The following CERT1 variants were observed in gnomAD, a reference collection of about 807,000 sequenced individuals.
CERT1 encodes ceramide transporter 1.
A neutral mutation model predicts 87.9 loss-of-function variants in CERT1; 31 were observed. The observed-to-expected ratio is 0.35, with a 90% CI of 0.27 to 0.48. CERT1 has a LOEUF of 0.48. Ranked by LOEUF, CERT1 falls within the 20% of genes least tolerant of loss-of-function variation. The pLI, the probability that CERT1 is intolerant of heterozygous loss-of-function variation, is 0.99. For missense variants in CERT1, 487 were observed against 758.0 expected (o/e 0.64, Z 4.20); for synonymous variants, 289 against 250.9 (o/e 1.15, Z -1.44).
intron 8 of CERT1, among the ~76,000 whole-genome samples, chr5:75,403,505 T>C (rs1762582671): frequency 6.6e-6 from 1 of 152,262 alleles, no homozygotes; most frequent in South Asian, 2.1e-4. Flanking sequence ...CTCATTCAGC[T>C]ATATATTATC....
At chr5:75,477,647 T>TAAAAAAAAAAAAAAAAATAA in intron 2 of CERT1, among the ~76,000 whole-genome samples, 1 of 89,528 alleles carries the variant, frequency 1.1e-5, no homozygotes, top group Admixed American at 1.3e-4. Context: ...TAATAAGTTG[T>TAAAAAAAAAAAAAAAAATAA]AAAAAAAAAA....
chr5:75,481,868 G>A (rs952889040), intron 2 of CERT1, among the ~76,000 whole-genome samples: 5 of 151,982 alleles, frequency 3.3e-5, no homozygotes, highest in African/African-American at 1.2e-4. Flanking sequence ...AAAAGAAAAT[G>A]CTAATTTTGT....
chr5:75,388,927 T>C (rs1426045495), intron 12 of CERT1, among the ~76,000 whole-genome samples: 1 of 152,000 alleles, frequency 6.6e-6, no homozygotes. Context: ...GCCTGGCCAA[T>C]AGTATCTTTT....
chr5:75,415,940 A>AG (rs1763116044), intron 7 of CERT1, among the ~76,000 whole-genome samples: 1 of 152,158 alleles, frequency 6.6e-6, no homozygotes, highest in East Asian at 1.9e-4. Context: ...CCTAATCAAA[A>AG]TGGCTTACTC....
chr5:75,400,927 CTT>C (rs1420163673), intron 9 of CERT1: 2 of 152,154 alleles, frequency 1.3e-5, no homozygotes, highest in East Asian at 3.9e-4. Flanking sequence ...TCCCATGTAT[CTT>C]TCTTTCCCTA....
intron 8 of CERT1, among the ~76,000 whole-genome samples, chr5:75,405,254 C>A (rs954585591): frequency 7.9e-5 from 12 of 152,090 alleles, no homozygotes; most frequent in Non-Finnish European, 1.8e-4. Flanking sequence ...AGTTCTCTAC[C>A]CTTAGATTCC....
intron 8 of CERT1, among the ~76,000 whole-genome samples, chr5:75,407,266 C>A: frequency 6.6e-6 from 1 of 151,362 alleles, no homozygotes; most frequent in Non-Finnish European, 1.5e-5. Context: ...TTTAAAAACT[C>A]CAGATGTATT....
At chr5:75,445,602 G>A (rs1432887736) in intron 3 of CERT1, among the ~76,000 whole-genome samples, 2 of 152,136 alleles carry the variant, frequency 1.3e-5, no homozygotes, top group African/African-American at 2.4e-5. Flanking sequence ...TAGGACTACA[G>A]GCACACACCA....
chr5:75,511,377 G>T lies in CERT1; in HGVS notation c.-170C>A. The T allele has an allele frequency of 3.2e-6, 5 of 1,546,462 alleles. No individual in the cohort carries two copies. The highest frequency in any genetic ancestry group is 2.4e-5 in the East Asian group (1 of 40,848). ...AGTCCGCCCGCCGCGCCGCCGCCGCGCCTGACACCGAGCGGAGCGAGGAAG... is the reference window on the plus strand; with the variant it reads ...AGTCCGCCCGCCGCGCCGCCGCCGCTCCTGACACCGAGCGGAGCGAGGAAG... On this transcript the variant is annotated 5_prime_UTR_variant, in exon 1 of 17. Transcript: ENST00000643780.
intron 3 of CERT1, among the ~76,000 whole-genome samples, chr5:75,430,974 G>A (rs886648799): frequency 2.0e-5 from 3 of 152,262 alleles, no homozygotes; most frequent in Admixed American, 1.3e-4. Context: ...CCAGAAGTTC[G>A]AGATAGCACT....
intron 16 of CERT1, 33 bp from the exon 17 acceptor site, chr5:75,379,506 G>A: frequency 2.5e-6 from 4 of 1,589,022 alleles, no homozygotes; most frequent in Non-Finnish European, 3.4e-6. Context: ...AATGTATTAA[G>A]ATACAATTCT....
chr5:75,390,487 A>C (rs1234708732), intron 11 of CERT1, among the ~76,000 whole-genome samples: 7 of 152,048 alleles, frequency 4.6e-5, no homozygotes, highest in African/African-American at 1.4e-4. Context: ...TTTTCCTGAT[A>C]TTTAAATGTA....
intron 3 of CERT1, among the ~76,000 whole-genome samples, chr5:75,430,920 A>T (rs1244570925): frequency 2.6e-5 from 4 of 152,136 alleles, no homozygotes; most frequent in Non-Finnish European, 5.9e-5. Flanking sequence ...GTGCTCCTGT[A>T]GTCTCAGTTA....
chr5:75,494,954 A>T (rs1766987503), intron 2 of CERT1, among the ~76,000 whole-genome samples: 1 of 152,208 alleles, frequency 6.6e-6, no homozygotes, highest in Non-Finnish European at 1.5e-5. Flanking sequence ...ACAACAGGAG[A>T]CAACCTTACT....
chr5:75,440,053 C>T (rs1344851087), intron 3 of CERT1, among the ~76,000 whole-genome samples: 3 of 152,056 alleles, frequency 2.0e-5, no homozygotes, highest in Non-Finnish European at 1.5e-5. Context: ...ATCTGTAAAA[C>T]GATATGGTTA....
intron 6 of CERT1, 29 bp downstream of exon 6, chr5:75,419,312 C>A (rs771492805): frequency 1.8e-5 from 26 of 1,410,428 alleles, no homozygotes; most frequent in Non-Finnish European, 2.4e-5. Flanking sequence ...TATATTTTAT[C>A]CAGCTGAGGG....
intron 8 of CERT1, among the ~76,000 whole-genome samples, chr5:75,405,885 G>C (rs1486934750): frequency 2.3e-5 from 3 of 132,564 alleles, no homozygotes; most frequent in Admixed American, 2.2e-4. Flanking sequence ...GGGGGGGGGG[G>C]GTCTTGTAAT....
At chr5:75,458,182 AT>A (rs1765080784) in intron 3 of CERT1, among the ~76,000 whole-genome samples, 1 of 152,212 alleles carries the variant, frequency 6.6e-6, no homozygotes, top group African/African-American at 2.4e-5. Context: ...AATAATACAG[AT>A]TTATTAATGT....
intron 17 of CERT1, chr5:75,370,219 G>A (rs936740714): frequency 6.6e-6 from 1 of 152,128 alleles, no homozygotes; most frequent in Non-Finnish European, 1.5e-5. Context: ...ACATTGTTTG[G>A]ATGGCATGTA....
Sources: gnomAD v4.1 joint callset for allele counts (sites outside exome capture counted in the v4.1 genomes callset) on GRCh38, gnomAD v4.1.1 for gene constraint, MANE v1.5 for transcripts, NCBI Gene and HGNC (gene_info 2026-07-23, HGNC 2026-07-21) for gene names.